The following POLD1 variants were observed in gnomAD, a reference collection of about 807,000 sequenced individuals.
POLD1 encodes the protein DNA polymerase delta 1, catalytic subunit.
A neutral mutation model predicts 129.7 loss-of-function variants in POLD1; 79 were observed. That is an observed-to-expected ratio of 0.61 (90% CI 0.51 to 0.73). POLD1 has a LOEUF of 0.73. Among genes scored for constraint, POLD1 ranks in the 30% least tolerant of loss-of-function variants. POLD1 has a pLI of 0.00. For synonymous variants in POLD1, 714 were observed against 683.3 expected (o/e 1.04, Z -0.70); for missense variants, 1,338 against 1,595.8 (o/e 0.84, Z 2.75).
At position 50,406,171 on chromosome 19, in the gene POLD1, C is replaced by T. The variant is rs2122315641; in HGVS notation, c.1243-11C>T. On this transcript the variant is annotated splice_polypyrimidine_tract_variant and intron_variant, in intron 10 of 26. Coordinates refer to ENST00000440232, the MANE Select transcript of POLD1 (RefSeq NM_002691.4). This position sits in a 1 kb window ranked among gnomAD's most constrained non-coding sequence, Gnocchi z 5.5. ...CCGCAGCCTGCTGCACACCCTGCCT[C>T]TCCTCCTCAGGTACAAACATTCCCT... is the stretch of plus-strand genomic sequence containing the variant. 6 of 1,610,540 alleles carry T rather than the reference C, an allele frequency of 3.7e-6. No homozygotes were observed. The highest frequency in any genetic ancestry group is 5.1e-6 in the Non-Finnish European group (6 of 1,177,402).
rs756872503 is a variant in POLD1, at chr19:50,416,608, A to AG, written c.2959dup. 5.1e-6 allele frequency: 8 copies of AG among 1,558,678 alleles called. No individual in the cohort carries two copies. The highest frequency in any genetic ancestry group is 2.7e-5 in the African/African-American group (2 of 73,576). On this transcript the variant is annotated splice_acceptor_variant, in intron 23 of 26. Coordinates refer to ENST00000440232, the MANE Select transcript of POLD1 (RefSeq NM_002691.4). LOFTEE classifies it high-confidence loss of function. ...GCCCACCACCTGCCTCCTCTCCTGCAGGGGGGGACCACACGCGCTGCAAGA... is the reference window on the plus strand; with the variant it reads ...GCCCACCACCTGCCTCCTCTCCTGCAGGGGGGGGACCACACGCGCTGCAAGA...
At position 50,384,356 on chromosome 19, in the gene POLD1, G is replaced by T. The variant is rs1423338069; in HGVS notation, c.-36G>T. On this transcript the variant is annotated 5_prime_UTR_variant, in exon 1 of 27. Coordinates refer to ENST00000440232, the MANE Select transcript of POLD1 (RefSeq NM_002691.4). The stretch of plus-strand genomic sequence containing the variant: ...CGCGCGGGAGTCAGGGGTCACGGCG[G>T]CGTAGGCTGTGGCGGGAAACGCTGT... 2 of 152,528 alleles carry T rather than the reference G, an allele frequency of 1.3e-5. No homozygotes were observed. Among genetic ancestry groups the T allele is most frequent in the Non-Finnish European group, 2.9e-5 (2 of 68,202 alleles). 9.4% of individuals were successfully genotyped at this position (152,528 alleles called of 1,614,324 possible). A position where few individuals can be genotyped will look rare whatever the true frequency, so the allele number is the denominator to read the frequency against.
In POLD1 at chr19:50,414,984, TCGACCG is replaced by T; in HGVS notation, c.2559_2564del (p.Arg855_Asp856del). 6.3e-7 allele frequency: 1 copy of T among 1,578,448 alleles called. No individual in the cohort carries two copies. The highest frequency in any genetic ancestry group is 8.6e-7 in the Non-Finnish European group (1 of 1,161,338). ...ACTGCCTCACTGCGCCGCCTGCTCA[TCGACCG>T]GTGTGTGGGGCCTCCTCCCTCAGAC... On this transcript the variant is annotated inframe_deletion and splice_region_variant, in exon 20 of 27. Coordinates refer to ENST00000440232, the MANE Select transcript of POLD1 (RefSeq NM_002691.4).
At chr19:50,389,435 T>A (rs1428097468) in intron 1 of POLD1, among the ~76,000 whole-genome samples, 2 of 152,058 alleles carry the variant, frequency 1.3e-5, no homozygotes, top group Non-Finnish European at 2.9e-5. Context: ...AGCAGTCAGC[T>A]CTTAAGAACA....
intron 1 of POLD1, among the ~76,000 whole-genome samples, chr19:50,395,576 T>C (rs956459589): frequency 1.4e-5 from 2 of 144,796 alleles, no homozygotes; most frequent in African/African-American, 2.7e-5. Flanking sequence ...AGAGCGAGAC[T>C]CCGTCTCCAA....
At chr19:50,384,942 C>T (rs2037919900) in intron 1 of POLD1, among the ~76,000 whole-genome samples, 1 of 152,120 alleles carries the variant, frequency 6.6e-6, no homozygotes, top group Non-Finnish European at 1.5e-5. Context: ...CCCTCAAGTG[C>T]AAAGCCCTGA....
chr19:50,391,905 G>A (rs1460041980), intron 1 of POLD1, among the ~76,000 whole-genome samples: 1 of 151,486 alleles, frequency 6.6e-6, no homozygotes, highest in Admixed American at 6.6e-5. Flanking sequence ...TAGTATAGAC[G>A]GGGTTTTCAC....
chr19:50,407,587 C>A (rs183454695), intron 14 of POLD1, among the ~76,000 whole-genome samples, 172 bp downstream of exon 14: 18 of 151,534 alleles, frequency 1.2e-4, no homozygotes, highest in Non-Finnish European at 2.5e-4. Flanking sequence ...GAGACAGAGT[C>A]TCGCTCTGTC....
rs1309243644 is a variant in POLD1 at position 50,408,868 on chromosome 19, C to T, written c.1859C>T (p.Thr620Met). The change falls in exon 15 of 27, where the codon ACG (threonine) becomes ATG (methionine). Residue 620 changes from threonine to methionine, a missense_variant. Coordinates refer to ENST00000440232, the MANE Select transcript of POLD1 (RefSeq NM_002691.4). The stretch of plus-strand genomic sequence containing the variant: ...ATGGCCCACAACCTGTGTTACACCA[C>T]GCTCCTTCGGCCCGGGACTGCACAG... ...IMMAHNLCYT[T>M]LLRPGTAQKL... is the part of the protein sequence containing the mutation. 2.5e-6 allele frequency: 4 copies of T among 1,613,518 alleles called. No individual in the cohort carries two copies. The highest frequency in any genetic ancestry group is 3.4e-6 in the Non-Finnish European group (4 of 1,179,804).
rs2038743984 is a variant in POLD1, at chr19:50,403,473, C to T, written c.1138-20C>T. On this transcript the variant is annotated intron_variant, in intron 9 of 26. Transcript: ENST00000440232. ...AGGCAGGGCAACCACCAGGGTGACCCAATGTGCTCCCACCCCCAGGCCTGG... is the reference window on the plus strand; with the variant it reads ...AGGCAGGGCAACCACCAGGGTGACCTAATGTGCTCCCACCCCCAGGCCTGG... 6.4e-7 allele frequency: 1 copy of T among 1,564,928 alleles called. No homozygotes were observed. Among genetic ancestry groups the T allele is most frequent in the Admixed American group, 1.7e-5 (1 of 59,910 alleles).
At position 50,391,192 on chromosome 19, in the gene POLD1, AGAC is replaced by A. The variant is rs2038151095; in HGVS notation, c.-2+6804_-2+6806del. On this transcript the variant is annotated intron_variant, in intron 1 of 26. Coordinates refer to ENST00000440232, the MANE Select transcript of POLD1 (RefSeq NM_002691.4). Reference sequence around the variant, plus strand: ...TCTCAGACGATGAGCAGCCGGGCAGAGACGCTCCTCACTTCCTAGACGGGATGG... The same window carrying A: ...TCTCAGACGATGAGCAGCCGGGCAGAGCTCCTCACTTCCTAGACGGGATGG... Among the ~76,000 whole-genome samples, 6 of 151,460 alleles carry A rather than the reference AGAC, an allele frequency of 4.0e-5. No homozygotes were observed. The South Asian group carries it at 1.2e-3, about 31-fold the overall frequency.
chr19:50,408,772 G>A lies in POLD1; in HGVS notation c.1776-13G>A, dbSNP rs1193296098. 3 of 1,613,290 alleles carry A rather than the reference G, an allele frequency of 1.9e-6. No individual in the cohort carries two copies. Among genetic ancestry groups the A allele is most frequent in the Non-Finnish European group, 8.5e-7 (1 of 1,179,882 alleles). On this transcript the variant is annotated splice_polypyrimidine_tract_variant and intron_variant, in intron 14 of 26. Coordinates refer to ENST00000440232, the MANE Select transcript of POLD1 (RefSeq NM_002691.4). Reference sequence around the variant, plus strand: ...CTAGCCCTGACTCCCGGCCGCGGCTGCTCCCCTCCCAGGTACTACGACGTC... The same window carrying A: ...CTAGCCCTGACTCCCGGCCGCGGCTACTCCCCTCCCAGGTACTACGACGTC...
chr19:50,416,350 G>T (rs2039289378), intron 22 of POLD1, 46 bp from the exon 23 acceptor site: 2 of 1,542,018 alleles, frequency 1.3e-6, no homozygotes, highest in Non-Finnish European at 8.7e-7. Context: ...GTCCACCCCG[G>T]TGCCCTTTCC....
At chr19:50,401,295 ATATT>A (rs1186752684) in intron 3 of POLD1, among the ~76,000 whole-genome samples, 1 of 144,754 alleles carries the variant, frequency 6.9e-6, no homozygotes, top group East Asian at 2.0e-4. Context: ...CATATATTAT[ATATT>A]AATATATTTT....
chr19:50,407,589 C>G (rs1021267975), intron 14 of POLD1, among the ~76,000 whole-genome samples, 174 bp downstream of exon 14: 1 of 151,448 alleles, frequency 6.6e-6, no homozygotes. Flanking sequence ...GACAGAGTCT[C>G]GCTCTGTCAC....
chr19:50,414,195 T>C (rs2039192924), intron 19 of POLD1, among the ~76,000 whole-genome samples: 1 of 152,268 alleles, frequency 6.6e-6, no homozygotes, highest in Non-Finnish European at 1.5e-5. Flanking sequence ...ACCTTAGATC[T>C]GTGCACCATT....
rs1259600497 is a variant in POLD1 at position 50,409,561 on chromosome 19, C to A, written c.2049C>A (p.Arg683=). The A allele has an allele frequency of 6.2e-7, 1 of 1,613,530 alleles. No individual in the cohort carries two copies. Among genetic ancestry groups the A allele is most frequent in the Non-Finnish European group, 8.5e-7 (1 of 1,180,038 alleles). Residue 683 remains arginine (R), a synonymous_variant, in exon 17 of 27, where the codon CGC becomes CGA. Transcript: ENST00000440232. The surrounding 1 kb of genome is among the most constrained non-coding windows in gnomAD (Gnocchi z 5.8). ...CCAAGGAGACAGACCCCCTCCGGCG[C>A]CAGGTCCTGGATGGACGGCAGCTGG... The part of the protein sequence containing the change: ...ELAKETDPLR[R]QVLDGRQLAL...
At chr19:50,416,349 G>C (rs1191754082) in intron 22 of POLD1, 47 bp from the exon 23 acceptor site, 5 of 1,541,266 alleles carry the variant, frequency 3.2e-6, no homozygotes, top group Admixed American at 2.0e-5. Context: ...TGTCCACCCC[G>C]GTGCCCTTTC....
chr19:50,415,304 G>A (rs2039237819), intron 20 of POLD1, 134 bp from the exon 21 acceptor site: 1 of 881,884 alleles, frequency 1.1e-6, no homozygotes. Context: ...TGCAGCCTAT[G>A]GTAGGAAGGG....
Sources: allele counts gnomAD v4.1 joint callset (sites outside exome capture counted in the v4.1 genomes callset), GRCh38; gene constraint gnomAD v4.1.1; non-coding constraint Gnocchi (gnomAD v3.1); transcripts MANE v1.5; gene names NCBI Gene and HGNC (gene_info 2026-07-23, HGNC 2026-07-21).